CYP2R1: variants seen among roughly 807,000 people sequenced by gnomAD.
The protein encoded by CYP2R1 is vitamin D 25-hydroxylase.
Under a neutral mutation model 45.7 loss-of-function variants are expected in CYP2R1, and 40 were observed. The observed-to-expected ratio is 0.87, with a 90% CI of 0.68 to 1.14. The LOEUF is 1.14. Among genes scored for constraint, CYP2R1 ranks in the 50% most tolerant of loss-of-function variants. The pLI is 0.00. For synonymous variants in CYP2R1, 234 were observed against 219.3 expected (o/e 1.07, Z -0.59); for missense variants, 605 against 602.6 (o/e 1.00, Z -0.04).
chr11:14,881,690 C>T (rs1468046960), intron 2 of CYP2R1, among the ~76,000 whole-genome samples: 2 of 152,024 alleles, frequency 1.3e-5, no homozygotes, highest in Admixed American at 6.6e-5. Flanking sequence ...AAGTTAAGGA[C>T]CTCTCCCTAC....
chr11:14,880,622 A>G lies in CYP2R1; in HGVS notation c.514T>C (p.Tyr172His). 1.2e-6 allele frequency: 2 copies of G among 1,608,586 alleles called. No individual in the cohort carries two copies. Among genetic ancestry groups the G allele is most frequent in the East Asian group, 2.2e-5 (1 of 44,798 alleles). ...TKFFNDAIET[Y>H]KGRPFDFKQL... The stretch of plus-strand genomic sequence containing the variant: ...TTAAAGTCAAAAGGTCTACCTTTGT[A>G]TGTTTCAATAGCATCATTGAAAAAT... The change falls in exon 3 of 5, where the codon TAC becomes CAC. Residue 172 changes from tyrosine (Y) to histidine (H), a missense_variant. Tyr to His is a moderately conservative substitution (Grantham distance 83). Coordinates refer to ENST00000334636, the MANE Select transcript of CYP2R1 (RefSeq NM_024514.5).
intron 1 of CYP2R1, chr11:14,886,871 T>C (rs1346497291): frequency 2.0e-5 from 3 of 152,234 alleles, no homozygotes; most frequent in African/African-American, 2.4e-5. Flanking sequence ...CAGAAAGTTA[T>C]ATCAGCAAAG....
chr11:14,892,000 T>G lies in CYP2R1; in HGVS notation c.206A>C (p.Gln69Pro). ...CTGTACCTCTCCGTACACCTGGCTC[T>G]GCTTTCTCATGTAGACATGGGGAAG... ...SELPHVYMRK[Q>P]SQVYGEIFSL... Residue 69 changes from glutamine to proline, a missense_variant, in exon 1 of 5, where the codon CAG (glutamine) becomes CCG (proline). Transcript: ENST00000334636. The G allele has an allele frequency of 6.2e-7, 1 of 1,613,470 alleles. No homozygotes were observed. The highest frequency in any genetic ancestry group is 8.5e-7 in the Non-Finnish European group (1 of 1,179,808).
At position 14,877,488 on chromosome 11, in the gene CYP2R1, G is replaced by T. The variant is rs1179633632; in HGVS notation, c.*634C>A. Reference sequence around the variant, plus strand: ...ATTGTAATGTCCTATCTACTTAACTGCTATGAAGATGGACACTCAGGGTCA... The same window carrying T: ...ATTGTAATGTCCTATCTACTTAACTTCTATGAAGATGGACACTCAGGGTCA... On this transcript the variant is annotated 3_prime_UTR_variant, in exon 5 of 5. Coordinates refer to ENST00000334636, the MANE Select transcript of CYP2R1 (RefSeq NM_024514.5). The T allele has an allele frequency of 6.6e-6, 1 of 152,022 alleles. No individual in the cohort carries two copies. The highest frequency in any genetic ancestry group is 1.5e-5 in the Non-Finnish European group (1 of 68,000). The allele number at this position is 152,022 out of a possible 1,614,324, so 9.4% of individuals were successfully genotyped here. A position where few individuals can be genotyped will look rare whatever the true frequency, so the allele number is the denominator to read the frequency against.
intron 2 of CYP2R1, among the ~76,000 whole-genome samples, chr11:14,881,127 T>C (rs1848368391): frequency 6.6e-6 from 1 of 152,110 alleles, no homozygotes; most frequent in African/African-American, 2.4e-5. Context: ...GGACAAAGTT[T>C]TATCTTAGAC....
Position 14,880,464 on chromosome 11 carries a change from G to A in CYP2R1, c.672C>T (p.Ala224=). 1.9e-6 allele frequency: 3 copies of A among 1,613,444 alleles called. No homozygotes were observed. The highest frequency in any genetic ancestry group is 2.2e-5 in the East Asian group (1 of 44,862). ...FSENVELAAS[A]SVFLYNAFPW... is the part of the protein sequence containing the mutation. ...GAAAGGCATTATACAAGAAGACTGAGGCACTGGCAGCTAGTTCCACATTTT... is the reference window on the plus strand; with the variant it reads ...GAAAGGCATTATACAAGAAGACTGAAGCACTGGCAGCTAGTTCCACATTTT... Residue 224 remains alanine, a synonymous_variant, in exon 3 of 5, where the codon GCC becomes GCT. Coordinates refer to ENST00000334636, the MANE Select transcript of CYP2R1 (RefSeq NM_024514.5).
chr11:14,892,372 T>G (rs970789914), upstream of CYP2R1: 56 of 663,704 alleles, frequency 8.4e-5, 1 homozygote, highest in Non-Finnish European at 1.3e-4. Context: ...TACCTTCTAG[T>G]TTTGCGCGGC....
intron 1 of CYP2R1, among the ~76,000 whole-genome samples, chr11:14,889,161 G>C (rs1330874839): frequency 3.4e-5 from 4 of 116,534 alleles, no homozygotes; most frequent in Non-Finnish European, 7.7e-5. Flanking sequence ...TTAAAGTCCA[G>C]TTGTTTTTTT....
chr11:14,887,944 C>T (rs1339463316), intron 1 of CYP2R1, among the ~76,000 whole-genome samples: 1 of 152,186 alleles, frequency 6.6e-6, no homozygotes, highest in African/African-American at 2.4e-5. Context: ...CTAATTTCAT[C>T]CTTGTCTTTT....
In CYP2R1 at chr11:14,880,480, T is replaced by G; in HGVS notation, c.656A>C (p.Glu219Ala). The change falls in exon 3 of 5, where the codon GAA becomes GCA. Residue 219 changes from glutamate (E) to alanine (A), a missense_variant. Transcript: ENST00000334636. The stretch of plus-strand genomic sequence containing the variant: ...GAAGACTGAGGCACTGGCAGCTAGT[T>G]CCACATTTTCACTAAATAACTCAAT... ...HMIELFSENVELAASASVFLY... is the reference protein window; with the variant it reads ...HMIELFSENVALAASASVFLY... 1 of 1,613,534 alleles carries G rather than the reference T, an allele frequency of 6.2e-7. No individual in the cohort carries two copies. The highest frequency in any genetic ancestry group is 8.5e-7 in the Non-Finnish European group (1 of 1,179,696).
Position 14,891,365 on chromosome 11 carries a change from A to G in CYP2R1, c.225+616T>C, listed in dbSNP as rs994144914. 14 of 985,440 alleles carry G rather than the reference A, an allele frequency of 1.4e-5. No homozygotes were observed. The African/African-American group carries it at 2.3e-4, about 16-fold the overall frequency. 61.0% of individuals were successfully genotyped at this position (985,440 alleles called of 1,614,324 possible). ...CCCAGCCAGTCAGAACGGCATTACC[A>G]TCTGCGCTGTAGGACCCCCGCAGCG... On this transcript the variant is annotated intron_variant, in intron 1 of 4. Transcript: ENST00000334636.
chr11:14,884,056 A>G (rs1173390155), intron 2 of CYP2R1, among the ~76,000 whole-genome samples: 7 of 152,090 alleles, frequency 4.6e-5, no homozygotes, highest in African/African-American at 1.4e-4. Context: ...GATGTGGAGA[A>G]TTAGGAATAC....
At chr11:14,891,385 G>A in intron 1 of CYP2R1, 3 of 985,578 alleles carry the variant, frequency 3.0e-6, no homozygotes, top group Middle Eastern at 5.2e-4. Flanking sequence ...TAGGACCCCC[G>A]CAGCGGATTT....
chr11:14,878,676 G>C (rs1848251175), intron 4 of CYP2R1, among the ~76,000 whole-genome samples: 1 of 152,106 alleles, frequency 6.6e-6, no homozygotes, highest in African/African-American at 2.4e-5. Context: ...AGAGTTTCTA[G>C]TCCATCTTCC....
Position 14,892,177 on chromosome 11 carries a change from C to A in CYP2R1, c.29G>T (p.Gly10Val), listed in dbSNP as rs374132162. Residue 10 changes from glycine (G) to valine (V), a missense_variant, in exon 1 of 5, where the codon GGC (glycine) becomes GTC (valine). Gly to Val is a moderately radical substitution (Grantham distance 109, BLOSUM62 -3). Transcript: ENST00000334636. MWKLWRAEE[G>V]AAALGGALFL... ...GAGCGCGCCGCCGAGCGCCGCCGCGCCCTCTTCAGCTCTCCAAAGCTTCCA... is the reference window on the plus strand; with the variant it reads ...GAGCGCGCCGCCGAGCGCCGCCGCGACCTCTTCAGCTCTCCAAAGCTTCCA... 1.6e-5 allele frequency: 25 copies of A among 1,610,696 alleles called. No individual in the cohort carries two copies. The highest frequency in any genetic ancestry group is 1.9e-5 in the Non-Finnish European group (22 of 1,179,814).
chr11:14,891,963 G>A lies in CYP2R1; in HGVS notation c.225+18C>T, dbSNP rs782376332. On this transcript the variant is annotated intron_variant, in intron 1 of 4. Coordinates refer to ENST00000334636, the MANE Select transcript of CYP2R1 (RefSeq NM_024514.5). Reference sequence around the variant, plus strand: ...CAGCCTGGCGGCCCTCCCTGCCCGGGGCCCGTCGGGGCTGTACCTCTCCGT... The same window carrying A: ...CAGCCTGGCGGCCCTCCCTGCCCGGAGCCCGTCGGGGCTGTACCTCTCCGT... 6.8e-6 allele frequency: 11 copies of A among 1,610,512 alleles called. No homozygotes were observed. In the African/African-American group the frequency reaches 1.2e-4, roughly 18 times the overall value.
intron 1 of CYP2R1, 105 bp from the exon 2 acceptor site, chr11:14,886,022 G>A (rs567512092): frequency 2.0e-5 from 23 of 1,138,506 alleles, no homozygotes; most frequent in South Asian, 1.0e-4. Flanking sequence ...GATTTGTTAC[G>A]TCCCTGAAAA....
Position 14,880,356 on chromosome 11 carries a change from G to A in CYP2R1, c.780C>T (p.Leu260=), listed in dbSNP as rs1848329011. ...TTCTGTTGACTGAAGCTTTTTCAAT[G>A]AGTCTGGAGAGAAAATCATAGACTA... is the stretch of plus-strand genomic sequence containing the variant. ...AAVVYDFLSR[L]IEKASVNRKP... is the part of the protein sequence containing the mutation. Residue 260 remains leucine, a synonymous_variant, in exon 3 of 5, where the codon CTC becomes CTT. Coordinates refer to ENST00000334636, the MANE Select transcript of CYP2R1 (RefSeq NM_024514.5). 1 of 1,613,344 alleles carries A rather than the reference G, an allele frequency of 6.2e-7. No individual in the cohort carries two copies. The highest frequency in any genetic ancestry group is 8.5e-7 in the Non-Finnish European group (1 of 1,179,610).
chr11:14,880,483 A>C lies in CYP2R1; in HGVS notation c.653T>G (p.Val218Gly). The C allele has an allele frequency of 6.2e-7, 1 of 1,613,512 alleles. No homozygotes were observed. ...QHMIELFSEN[V>G]ELAASASVFL... ...GACTGAGGCACTGGCAGCTAGTTCC[A>C]CATTTTCACTAAATAACTCAATCAT... The change falls in exon 3 of 5, where the codon GTG (valine) becomes GGG (glycine). Residue 218 changes from valine to glycine, a missense_variant. By Grantham distance (109) the Val-to-Gly change is moderately radical. Coordinates refer to ENST00000334636, the MANE Select transcript of CYP2R1 (RefSeq NM_024514.5).
Sources: allele counts gnomAD v4.1 joint callset (sites outside exome capture counted in the v4.1 genomes callset), GRCh38; gene constraint gnomAD v4.1.1; transcripts MANE v1.5; gene names NCBI Gene and HGNC (gene_info 2026-07-23, HGNC 2026-07-21).